Variants in ATRX observed in about 807,000 individuals in gnomAD.
The protein encoded by ATRX is ATRX chromatin remodeler.
ATRX carries 12 observed loss-of-function variants against 172.6 expected under a neutral mutation model. That is an observed-to-expected ratio of 0.07 (90% CI 0.04 to 0.11). The LOEUF (loss-of-function observed/expected upper bound fraction) is 0.11, where lower values mean the gene tolerates loss of function less well. Ranked by LOEUF, ATRX falls within the 10% of genes least tolerant of loss-of-function variation. The probability of loss-of-function intolerance (pLI) is 1.00; values close to 1 mark genes in which losing one functional copy is unlikely to be tolerated. For missense variants in ATRX, 1,368 were observed against 1,767.4 expected, an observed-to-expected ratio of 0.77 and a Z score of 4.05; for synonymous variants, 674 against 594.7, an observed-to-expected ratio of 1.13 and a Z score of -1.94.
At chrX:77,740,739 A>G (rs1322068326) in intron 1 of ATRX, among the ~76,000 whole-genome samples, 3 of 110,912 alleles carry the variant, frequency 2.7e-5, no homozygotes, top group Non-Finnish European at 5.7e-5. Context: ...TTCCAGTGTA[A>G]TAACAGTGAA....
At chrX:77,741,659 A>C (rs1368644694) in intron 1 of ATRX, among the ~76,000 whole-genome samples, 1 of 110,821 alleles carries the variant, frequency 9.0e-6, no homozygotes, top group African/African-American at 3.3e-5. Context: ...ACAGGGTTTC[A>C]CCATGTTGGT....
chrX:77,612,585 T>C (rs372366828), intron 22 of ATRX, among the ~76,000 whole-genome samples: 84 of 111,042 alleles, frequency 7.6e-4, no homozygotes, highest in African/African-American at 1.5e-3. Flanking sequence ...TAAAGTAAAA[T>C]AAAAATAAAA....
rs187157302 is a variant in ATRX, at chrX:77,573,213, A to G, written c.6326+1037T>C. Among the ~76,000 whole-genome samples the G allele has an allele frequency of 8.7e-4, 97 of 111,753 alleles. 1 individual carries two copies. Among genetic ancestry groups the G allele is most frequent in the Non-Finnish European group, 1.4e-3 (73 of 52,851 alleles). ...TTTTTACTGTATCTTTTCTGTTTAG[A>G]TATGTTACATACACAAATACCATTG... On this transcript the variant is annotated intron_variant, in intron 28 of 34. Transcript: ENST00000373344.
intron 9 of ATRX, among the ~76,000 whole-genome samples, chrX:77,681,255 C>T (rs1179429692): frequency 8.9e-6 from 1 of 111,800 alleles, no homozygotes; most frequent in East Asian, 2.8e-4. Flanking sequence ...CAGAGAAAAG[C>T]ACTAAACATT....
intron 19 of ATRX, among the ~76,000 whole-genome samples, chrX:77,625,511 T>C (rs1557102363): frequency 8.9e-6 from 1 of 112,602 alleles, no homozygotes; most frequent in African/African-American, 3.2e-5. Context: ...AAAGGACTAA[T>C]ATCCAGAATC....
intron 32 of ATRX, chrX:77,522,057 G>A (rs1287138247): frequency 5.1e-5 from 22 of 430,678 alleles, no homozygotes; most frequent in Middle Eastern, 6.5e-4. Context: ...TTAATTCACC[G>A]ACTGATTCCT....
In ATRX at chrX:77,755,116, T is replaced by C. The variant is rs781952519; in HGVS notation, c.20+30866A>G. The stretch of plus-strand genomic sequence containing the variant: ...CAATATCTGATATCCTTTTTTCCGC[T>C]TCAGCGATTTGACTATTGATACATG... On this transcript the variant is annotated intron_variant, in intron 1 of 34. Coordinates refer to ENST00000373344, the MANE Select transcript of ATRX (RefSeq NM_000489.6). Among the ~76,000 whole-genome samples the C allele has an allele frequency of 7.1e-5, 8 of 112,954 alleles. No individual in the cohort carries two copies. In the South Asian group the frequency reaches 2.9e-3, roughly 41 times the overall value.
At chrX:77,670,900 C>A (rs1386703913) in intron 10 of ATRX, among the ~76,000 whole-genome samples, 2 of 106,941 alleles carry the variant, frequency 1.9e-5, no homozygotes, top group African/African-American at 6.8e-5. Flanking sequence ...GTAATCCCAG[C>A]ACTTTGGGAG....
intron 1 of ATRX, among the ~76,000 whole-genome samples, chrX:77,775,721 T>TTATTTATG (rs2076324726): frequency 9.5e-6 from 1 of 105,554 alleles, no homozygotes; most frequent in Non-Finnish European, 1.9e-5. Flanking sequence ...AATTCTTTAT[T>TTATTTATG]TATTTATTTA....
In ATRX at chrX:77,682,267, C is replaced by T. The variant is rs1557138410; in HGVS notation, c.2989G>A (p.Asp997Asn). 7 of 1,200,451 alleles carry T rather than the reference C, an allele frequency of 5.8e-6. No individual in the cohort carries two copies. Among genetic ancestry groups the T allele is most frequent in the Non-Finnish European group, 7.8e-6 (7 of 892,247 alleles). Residue 997 changes from aspartate (D) to asparagine (N), a missense_variant, in exon 9 of 35, where the codon GAC becomes AAC. Physicochemically the swap from Asp to Asn is conservative, Grantham distance 23. Transcript: ENST00000373344. ...KGTEEKKKPS[D>N]FKKKVIKMEQ... ...ATTTTAATTACTTTTTTCTTAAAGT[C>T]TGAAGGTTTCTTTTTTTCTTCAGTT...
At chrX:77,542,070 T>C (rs782716077) in intron 30 of ATRX, among the ~76,000 whole-genome samples, 1 of 111,853 alleles carries the variant, frequency 8.9e-6, no homozygotes, top group Non-Finnish European at 1.9e-5. Context: ...GAAAACCCCA[T>C]CGCCTCAGCC....
intron 1 of ATRX, among the ~76,000 whole-genome samples, chrX:77,766,375 C>A (rs1381272983): frequency 5.4e-5 from 6 of 111,651 alleles, no homozygotes; most frequent in African/African-American, 2.0e-4. Flanking sequence ...ACGCTCCTCA[C>A]TTCCCAGACG....
intron 14 of ATRX, among the ~76,000 whole-genome samples, chrX:77,653,272 A>G (rs183530422): frequency 4.5e-4 from 50 of 112,180 alleles, no homozygotes; most frequent in Non-Finnish European, 7.1e-4. Flanking sequence ...ATTATTCAAA[A>G]TAGCCGAAAG....
intron 20 of ATRX, 97 bp from the exon 21 acceptor site, chrX:77,619,078 T>C (rs1187333536): frequency 1.4e-5 from 8 of 571,657 alleles, no homozygotes; most frequent in Non-Finnish European, 2.3e-5. Context: ...AACACATGCA[T>C]TAGAATTAAG....
intron 1 of ATRX, among the ~76,000 whole-genome samples, chrX:77,756,475 C>G (rs2075499667): frequency 9.0e-6 from 1 of 110,590 alleles, no homozygotes; most frequent in Non-Finnish European, 1.9e-5. Flanking sequence ...AAACCCAGGG[C>G]TGGTGGAGTT....
intron 6 of ATRX, among the ~76,000 whole-genome samples, chrX:77,693,444 T>G (rs1412330029): frequency 8.9e-6 from 1 of 112,132 alleles, no homozygotes; most frequent in Non-Finnish European, 1.9e-5. Context: ...CTAATGCAGA[T>G]GTACGTCACT....
At chrX:77,741,086 G>C (rs1465590627) in intron 1 of ATRX, among the ~76,000 whole-genome samples, 1 of 110,378 alleles carries the variant, frequency 9.1e-6, no homozygotes, top group Non-Finnish European at 1.9e-5. Context: ...GGTAGTGTGA[G>C]TCTGTCATCC....
intron 1 of ATRX, among the ~76,000 whole-genome samples, chrX:77,750,956 T>C (rs1297297091): frequency 8.9e-6 from 1 of 112,045 alleles, no homozygotes; most frequent in African/African-American, 3.2e-5. Flanking sequence ...TGGTTCCAAG[T>C]CTTTGCTATT....
In ATRX at chrX:77,663,429, G is replaced by A. The variant is rs1557124033; in HGVS notation, c.4073C>T (p.Thr1358Ile). 2 of 1,211,395 alleles carry A rather than the reference G, an allele frequency of 1.7e-6. No homozygotes were observed. Among genetic ancestry groups the A allele is most frequent in the Admixed American group, 2.2e-5 (1 of 45,985 alleles). ...GACTTCTTTATGCTCTTTAGGCTTT[G>A]TCTTTTTTTCTTCTCCAGATTCTCC... ...SDGESGEEKK[T>I]KPKEHKEVKG... The change falls in exon 12 of 35, where the codon ACA (threonine) becomes ATA (isoleucine). Residue 1358 changes from threonine to isoleucine, a missense_variant. Coordinates refer to ENST00000373344, the MANE Select transcript of ATRX (RefSeq NM_000489.6).
Sources: gnomAD v4.1 joint callset for allele counts (sites outside exome capture counted in the v4.1 genomes callset) on GRCh38, gnomAD v4.1.1 for gene constraint, MANE v1.5 for transcripts, NCBI Gene and HGNC (gene_info 2026-07-23, HGNC 2026-07-21) for gene names.